PTPRN2: variants seen among roughly 807,000 people sequenced by gnomAD.
PTPRN2 encodes receptor-type tyrosine-protein phosphatase N2.
PTPRN2 carries 74 observed loss-of-function variants against 118.8 expected under a neutral mutation model. The observed-to-expected ratio is 0.62, with a 90% CI of 0.52 to 0.76. PTPRN2 has a LOEUF of 0.76. Among genes scored for constraint, PTPRN2 ranks in the 30% least tolerant of loss-of-function variants. PTPRN2 has a pLI of 0.00. For missense variants in PTPRN2, 1,481 were observed against 1,394.4 expected, an observed-to-expected ratio of 1.06 and a Z score of -0.99; for synonymous variants, 641 against 608.0, an observed-to-expected ratio of 1.05 and a Z score of -0.80.
intron 11 of PTPRN2, among the ~76,000 whole-genome samples, chr7:157,988,868 C>T (rs1170525846): frequency 6.6e-6 from 1 of 152,250 alleles, no homozygotes; most frequent in East Asian, 1.9e-4. Flanking sequence ...GCATCCCCTT[C>T]TCACATCTGT....
chr7:158,150,780 C>A (rs576012220), intron 6 of PTPRN2, among the ~76,000 whole-genome samples: 1 of 151,846 alleles, frequency 6.6e-6, no homozygotes, highest in Non-Finnish European at 1.5e-5. Flanking sequence ...TGCAGCACCG[C>A]GACCCAGCAC....
chr7:158,532,427 G>A (rs1042480409), intron 1 of PTPRN2, among the ~76,000 whole-genome samples: 15 of 152,252 alleles, frequency 9.9e-5, no homozygotes, highest in Admixed American at 3.3e-4. Flanking sequence ...TTCCAGTCAC[G>A]TGCCCCACAG....
intron 12 of PTPRN2, among the ~76,000 whole-genome samples, chr7:157,842,868 T>C (rs1409657555): frequency 2.6e-5 from 4 of 152,100 alleles, no homozygotes; most frequent in Admixed American, 1.3e-4. Flanking sequence ...AAGGCACAAG[T>C]AAATTAAATA....
At chr7:158,018,425 G>A (rs1023876414) in intron 11 of PTPRN2, among the ~76,000 whole-genome samples, 4 of 152,196 alleles carry the variant, frequency 2.6e-5, no homozygotes, top group African/African-American at 4.8e-5. Context: ...TGTTTGTGAC[G>A]TAGAAAACCG....
chr7:158,233,243 A>T (rs944218500), intron 3 of PTPRN2, among the ~76,000 whole-genome samples: 1 of 152,246 alleles, frequency 6.6e-6, no homozygotes, highest in African/African-American at 2.4e-5. Context: ...CAAAATCAAC[A>T]TACAAAAATC....
intron 2 of PTPRN2, among the ~76,000 whole-genome samples, chr7:158,325,143 C>A (rs1303116262): frequency 7.8e-6 from 1 of 128,876 alleles, no homozygotes; most frequent in African/African-American, 2.9e-5. Flanking sequence ...CCACAATTCT[C>A]CACAGAGATC....
At chr7:158,004,984 TC>T (rs1241338774) in intron 11 of PTPRN2, among the ~76,000 whole-genome samples, 1 of 151,390 alleles carries the variant, frequency 6.6e-6, no homozygotes, top group African/African-American at 2.4e-5. Flanking sequence ...AACACACACC[TC>T]CCCCTTTCCT....
In PTPRN2 at chr7:158,003,171, T is replaced by G. The variant is rs928725690; in HGVS notation, c.1723+78127A>C. The stretch of plus-strand genomic sequence containing the variant: ...GGCTCACGCCTGTAATCCCAGCACT[T>G]TGGGAGGCCGAGACGGGCGGATCAC... On this transcript the variant is annotated intron_variant, in intron 11 of 22. Coordinates refer to ENST00000389418, the MANE Select transcript of PTPRN2 (RefSeq NM_002847.5). This position sits in a 1 kb window ranked among gnomAD's most constrained non-coding sequence, Gnocchi z 5.0. Among the ~76,000 whole-genome samples, 3 of 151,706 alleles carry G rather than the reference T, an allele frequency of 2.0e-5. No individual in the cohort carries two copies. Among genetic ancestry groups the G allele is most frequent in the African/African-American group, 4.8e-5 (2 of 41,272 alleles).
chr7:157,883,747 C>G (rs1298253231), intron 12 of PTPRN2, among the ~76,000 whole-genome samples: 1 of 147,640 alleles, frequency 6.8e-6, no homozygotes, highest in Non-Finnish European at 1.5e-5. Flanking sequence ...ACACACCACC[C>G]CAAAAATGAC....
At chr7:157,833,512 G>A (rs1473046029) in intron 12 of PTPRN2, among the ~76,000 whole-genome samples, 4 of 147,788 alleles carry the variant, frequency 2.7e-5, no homozygotes, top group South Asian at 2.2e-4. Context: ...CGTGGCCGGC[G>A]CCCATCCATC....
chr7:157,576,506 A>T, intron 19 of PTPRN2, 107 bp downstream of exon 19: 1 of 1,210,404 alleles, frequency 8.3e-7, no homozygotes, highest in Non-Finnish European at 1.1e-6. Context: ...CGGCGCCGAC[A>T]CAGACGCGGC....
chr7:158,133,569 A>G, intron 9 of PTPRN2, 108 bp downstream of exon 9: 1 of 1,429,366 alleles, frequency 7.0e-7, no homozygotes, highest in Non-Finnish European at 9.3e-7. Context: ...TCAGTTGAAG[A>G]CACTTAAAAG....
chr7:158,082,438 G>C (rs1812913695), intron 10 of PTPRN2, among the ~76,000 whole-genome samples: 1 of 152,138 alleles, frequency 6.6e-6, no homozygotes, highest in African/African-American at 2.4e-5. Flanking sequence ...CTTCCTCCTT[G>C]GGATTTTTGC....
intron 1 of PTPRN2, among the ~76,000 whole-genome samples, chr7:158,564,882 G>A (rs1294293178): frequency 6.6e-6 from 1 of 152,226 alleles, no homozygotes; most frequent in Non-Finnish European, 1.5e-5. Flanking sequence ...GAGCTAAAGA[G>A]AAATGTGTGC....
rs1462829202 is a variant in PTPRN2 at position 157,632,940 on chromosome 7, T to C, written c.2197-11431A>G. On this transcript the variant is annotated intron_variant, in intron 14 of 22. Coordinates refer to ENST00000389418, the MANE Select transcript of PTPRN2 (RefSeq NM_002847.5). This position sits in a 1 kb window ranked among gnomAD's most constrained non-coding sequence, Gnocchi z 4.3. The stretch of plus-strand genomic sequence containing the variant: ...AGTGAAATGTGAATGCCTCATCTGG[T>C]TTTGGGACAGAGGGCTAAGAGCTGC... 1.3e-5 allele frequency among the ~76,000 whole-genome samples: 2 copies of C among 152,224 alleles called. No individual in the cohort carries two copies. The highest frequency in any genetic ancestry group is 2.9e-5 in the Non-Finnish European group (2 of 68,022).
intron 12 of PTPRN2, among the ~76,000 whole-genome samples, chr7:157,810,536 C>A (rs1805936262): frequency 7.2e-6 from 1 of 139,522 alleles, no homozygotes; most frequent in African/African-American, 2.7e-5. Context: ...GCTGGGTTCT[C>A]CACGGGGACG....
chr7:158,341,882 C>A (rs1270030729), intron 2 of PTPRN2, among the ~76,000 whole-genome samples: 1 of 125,954 alleles, frequency 7.9e-6, no homozygotes, highest in Non-Finnish European at 1.6e-5. Flanking sequence ...GCGTCACTCA[C>A]ACCCACACTC....
intron 1 of PTPRN2, among the ~76,000 whole-genome samples, chr7:158,516,077 C>A (rs1823535743): frequency 1.3e-5 from 2 of 152,238 alleles, no homozygotes; most frequent in South Asian, 4.1e-4. Flanking sequence ...GGCTTCTCCC[C>A]ACGCCCCGGC....
In PTPRN2 at chr7:157,690,814, G is replaced by T. The variant is rs1304047669; in HGVS notation, c.1789-7877C>A. 1.5e-4 allele frequency among the ~76,000 whole-genome samples: 23 copies of T among 149,358 alleles called. No individual in the cohort carries two copies. The East Asian group carries it at 4.1e-3, about 27-fold the overall frequency. ...CGGCACGGGCTCGGAGCCCGCAGGC[G>T]CCGGAGCTCTGCGCGGCCGCTCGGC... On this transcript the variant is annotated intron_variant, in intron 12 of 22. Coordinates refer to ENST00000389418, the MANE Select transcript of PTPRN2 (RefSeq NM_002847.5). This position sits in a 1 kb window ranked among gnomAD's most constrained non-coding sequence, Gnocchi z 7.1.
Sources: gnomAD v4.1 joint callset for allele counts (sites outside exome capture counted in the v4.1 genomes callset) on GRCh38, gnomAD v4.1.1 for gene constraint, Gnocchi (gnomAD v3.1) non-coding constraint, MANE v1.5 for transcripts, NCBI Gene and HGNC (gene_info 2026-07-23, HGNC 2026-07-21) for gene names.